CTNNA2: variants seen among roughly 807,000 people sequenced by gnomAD.
CTNNA2 encodes catenin alpha 2, also known as catenin alpha-2.
In CTNNA2, 42 loss-of-function variants were observed where a neutral mutation model predicts 101.0. That is an observed-to-expected ratio of 0.42 (90% CI 0.32 to 0.54). The LOEUF (loss-of-function observed/expected upper bound fraction) is 0.54, where lower values mean the gene tolerates loss of function less well. Among genes scored for constraint, CTNNA2 ranks in the 20% least tolerant of loss-of-function variants. The pLI is 0.14. For synonymous variants in CTNNA2, 450 were observed against 456.4 expected, an observed-to-expected ratio of 0.99 and a Z score of 0.18; for missense variants, 871 against 1,223.1, an observed-to-expected ratio of 0.71 and a Z score of 4.29.
At chr2:79,937,234 C>T (rs1687851952) in intron 7 of CTNNA2, among the ~76,000 whole-genome samples, 1 of 152,180 alleles carries the variant, frequency 6.6e-6, no homozygotes, top group Non-Finnish European at 1.5e-5. Context: ...AGTTGACTTA[C>T]ATTCTAAGTT....
intron 15 of CTNNA2, among the ~76,000 whole-genome samples, chr2:80,597,035 C>A (rs758540349): frequency 2.0e-5 from 3 of 152,128 alleles, no homozygotes; most frequent in Admixed American, 6.6e-5. Context: ...GTTGAACCAA[C>A]CTTGCATCCC....
Position 80,231,232 on chromosome 2 carries a change from C to T in CTNNA2, c.1057-161979C>T, listed in dbSNP as rs561882596. ...GAAGTCCTGACCTCAGGTGATCCAC[C>T]CTCCTCAGTCTCCCAGAGTATTATG... On this transcript the variant is annotated intron_variant, in intron 7 of 18. Transcript: ENST00000402739. Among the ~76,000 whole-genome samples the T allele has an allele frequency of 6.6e-5, 10 of 152,160 alleles. No individual in the cohort carries two copies. In the South Asian group the frequency reaches 1.9e-3, roughly 28 times the overall value.
chr2:80,573,829 G>A (rs747707149), intron 12 of CTNNA2, among the ~76,000 whole-genome samples: 5 of 152,148 alleles, frequency 3.3e-5, no homozygotes, highest in Non-Finnish European at 4.4e-5. Context: ...GTAACCAGCA[G>A]CAACCAGCAG....
chr2:79,384,962 T>A (rs1025732241), intron 4 of CTNNA2, among the ~76,000 whole-genome samples: 1 of 152,200 alleles, frequency 6.6e-6, no homozygotes, highest in African/African-American at 2.4e-5. Context: ...TCACATTTTT[T>A]ATCCTTAGAT....
chr2:79,245,908 G>A (rs370373472), intron 2 of CTNNA2, among the ~76,000 whole-genome samples: 1 of 152,174 alleles, frequency 6.6e-6, no homozygotes, highest in East Asian at 1.9e-4. Context: ...CCAGGACTCA[G>A]TCAGGGAAAG....
At chr2:80,235,271 A>C (rs1160594018) in intron 7 of CTNNA2, among the ~76,000 whole-genome samples, 3 of 152,166 alleles carry the variant, frequency 2.0e-5, no homozygotes, top group Non-Finnish European at 4.4e-5. Context: ...TCCATAATTA[A>C]CTCTAGGAAC....
intron 2 of CTNNA2, among the ~76,000 whole-genome samples, chr2:79,736,498 G>A (rs1424995184): frequency 2.0e-5 from 3 of 152,136 alleles, no homozygotes; most frequent in African/African-American, 7.2e-5. Context: ...ACTAGTTGAA[G>A]ACTTAGCTTC....
At chr2:79,877,691 C>A (rs955235277) in intron 6 of CTNNA2, among the ~76,000 whole-genome samples, 1 of 152,076 alleles carries the variant, frequency 6.6e-6, no homozygotes, top group African/African-American at 2.4e-5. Flanking sequence ...ACTTTTCTGG[C>A]AAAATCTCTT....
At chr2:79,904,890 G>A (rs951477335) in intron 6 of CTNNA2, among the ~76,000 whole-genome samples, 1 of 152,232 alleles carries the variant, frequency 6.6e-6, no homozygotes, top group Non-Finnish European at 1.5e-5. Context: ...AATTGTGTGT[G>A]TGGTGAGTGC....
chr2:79,546,391 A>G (rs186177597), intron 1 of CTNNA2, among the ~76,000 whole-genome samples: 9 of 152,306 alleles, frequency 5.9e-5, no homozygotes, highest in African/African-American at 2.2e-4. Flanking sequence ...GTTGTATCCA[A>G]GCATCCTTCA....
intron 2 of CTNNA2, among the ~76,000 whole-genome samples, chr2:79,739,013 CT>C (rs1430700100): frequency 6.6e-6 from 1 of 151,386 alleles, no homozygotes; most frequent in East Asian, 1.9e-4. Context: ...TCAGCTCCAT[CT>C]TTACATATGT....
Position 79,651,668 on chromosome 2 carries a change from G to A in CTNNA2, c.102+10G>A. ...GCCACTTGTTACACAGGTAAGGGAT[G>A]CTTTGAAACCACTTTGTTATATATG... is the stretch of plus-strand genomic sequence containing the variant. On this transcript the variant is annotated intron_variant, in intron 2 of 18. Transcript: ENST00000402739. The A allele has an allele frequency of 6.2e-7, 1 of 1,608,896 alleles. No individual in the cohort carries two copies. The highest frequency in any genetic ancestry group is 8.5e-7 in the Non-Finnish European group (1 of 1,175,594).
At chr2:79,396,770 C>T (rs573966179) in intron 4 of CTNNA2, among the ~76,000 whole-genome samples, 2 of 152,148 alleles carry the variant, frequency 1.3e-5, no homozygotes, top group South Asian at 4.1e-4. Flanking sequence ...CTTTTCTCCT[C>T]AATTAATAAA....
At chr2:80,560,510 G>C (rs1693487247) in intron 12 of CTNNA2, among the ~76,000 whole-genome samples, 1 of 152,100 alleles carries the variant, frequency 6.6e-6, no homozygotes, top group South Asian at 2.1e-4. Flanking sequence ...CGTAATATAT[G>C]CATCACTGTT....
intron 18 of CTNNA2, among the ~76,000 whole-genome samples, chr2:80,635,161 T>C (rs1338243935): frequency 6.6e-6 from 1 of 152,200 alleles, no homozygotes; most frequent in Admixed American, 6.6e-5. Flanking sequence ...TGTGATCGTG[T>C]ACACAGTAAT....
At chr2:79,445,418 CCTT>C (rs1446802937) in intron 4 of CTNNA2, among the ~76,000 whole-genome samples, 5 of 152,128 alleles carry the variant, frequency 3.3e-5, no homozygotes, top group African/African-American at 1.2e-4. Flanking sequence ...AGTTTCTTCT[CCTT>C]CTTATCTGTG....
At chr2:80,081,994 T>C (rs1043399958) in intron 7 of CTNNA2, among the ~76,000 whole-genome samples, 1 of 152,162 alleles carries the variant, frequency 6.6e-6, no homozygotes, top group African/African-American at 2.4e-5. Context: ...AAGTCTGGTT[T>C]TCTTTGAGTG....
At chr2:79,193,274 C>T (rs1005313054) in intron 1 of CTNNA2, among the ~76,000 whole-genome samples, 1 of 152,044 alleles carries the variant, frequency 6.6e-6, no homozygotes, top group Non-Finnish European at 1.5e-5. Context: ...AGTCACATGC[C>T]TCATAATGTT....
intron 4 of CTNNA2, among the ~76,000 whole-genome samples, chr2:79,432,268 T>C (rs1678666680): frequency 6.6e-6 from 1 of 152,162 alleles, no homozygotes; most frequent in South Asian, 2.1e-4. Context: ...TGTATGGTTA[T>C]CATGATCATT....
Sources: allele counts gnomAD v4.1 joint callset (sites outside exome capture counted in the v4.1 genomes callset), GRCh38; gene constraint gnomAD v4.1.1; transcripts MANE v1.5; gene names NCBI Gene and HGNC (gene_info 2026-07-23, HGNC 2026-07-21).